The following CRYBG3 variants were observed in gnomAD, a reference collection of about 807,000 sequenced individuals.
CRYBG3 encodes very large A-kinase anchor protein.
CRYBG3 carries 127 observed loss-of-function variants against 244.2 expected under a neutral mutation model. That is an observed-to-expected ratio of 0.52 (90% confidence interval 0.45 to 0.60). The LOEUF is 0.60. Among genes scored for constraint, CRYBG3 ranks in the 20% least tolerant of loss-of-function variants. The pLI is 0.00. For missense variants in CRYBG3, 3,325 were observed against 3,442.5 expected, an observed-to-expected ratio of 0.97 and a Z score of 0.85; for synonymous variants, 1,132 against 1,195.8, an observed-to-expected ratio of 0.95 and a Z score of 1.10.
In CRYBG3 at chr3:97,871,935, C is replaced by T. The variant is rs1397047254; in HGVS notation, c.741C>T (p.Gly247=). ...HIGKYLKQQT[G]LATVNTLDRE... ...GGAAATATTTAAAGCAACAGACAGGCTTGGCAACTGTGAATACCTTGGACA... is the reference window on the plus strand; with the variant it reads ...GGAAATATTTAAAGCAACAGACAGGTTTGGCAACTGTGAATACCTTGGACA... The change falls in exon 4 of 22, where the codon GGC becomes GGT. Residue 247 remains glycine, a synonymous_variant. Coordinates refer to ENST00000389622, the MANE Select transcript of CRYBG3 (RefSeq NM_153605.4). 6.5e-7 allele frequency: 1 copy of T among 1,535,644 alleles called. No homozygotes were observed. The highest frequency in any genetic ancestry group is 1.2e-5 in the South Asian group (1 of 84,042).
At chr3:97,839,380 T>C (rs2038780784) in intron 1 of CRYBG3, among the ~76,000 whole-genome samples, 1 of 152,140 alleles carries the variant, frequency 6.6e-6, no homozygotes, top group African/African-American at 2.4e-5. Context: ...ATGTAGCTAC[T>C]GTGTTCTCAT....
rs145493918 is a variant in CRYBG3 at position 97,930,517 on chromosome 3, T to C, written c.8242-3177T>C. Among the ~76,000 whole-genome samples, 304 of 152,146 alleles carry C rather than the reference T, an allele frequency of 2.0e-3. 2 individuals are homozygous for C. Among genetic ancestry groups the C allele is most frequent in the South Asian group, 0.015 (71 of 4,822 alleles). On this transcript the variant is annotated intron_variant, in intron 17 of 21. Transcript: ENST00000389622. ...CTCAGTGATTAGAGATGAGTTTTTA[T>C]TCCTGGTGCAGTCAGTGGTGTCTAC...
Position 97,864,519 on chromosome 3 carries a change from T to G in CRYBG3, c.519T>G (p.Ile173Met), listed in dbSNP as rs1173699278. 1 of 1,535,752 alleles carries G rather than the reference T, an allele frequency of 6.5e-7. No individual in the cohort carries two copies. The highest frequency in any genetic ancestry group is 2.0e-5 in the Admixed American group (1 of 50,950). The change falls in exon 3 of 22, where the codon ATT becomes ATG. Residue 173 changes from isoleucine (I) to methionine (M), a missense_variant. Physicochemically the swap from Ile to Met is conservative, Grantham distance 10 (BLOSUM62 1). Coordinates refer to ENST00000389622, the MANE Select transcript of CRYBG3 (RefSeq NM_153605.4). ...HEDGIKRERE[I>M]FSGSLRTQTH... Reference sequence around the variant, plus strand: ...ACGGGATCAAAAGGGAGAGAGAGATTTTCAGTGGCTCCCTAAGAACCCAGA... The same window carrying G: ...ACGGGATCAAAAGGGAGAGAGAGATGTTCAGTGGCTCCCTAAGAACCCAGA...
intron 11 of CRYBG3, among the ~76,000 whole-genome samples, chr3:97,893,594 G>A (rs752843299): frequency 5.9e-5 from 9 of 152,180 alleles, no homozygotes; most frequent in Non-Finnish European, 8.8e-5. Flanking sequence ...CTTTATATTC[G>A]TATCCTGGTA....
rs753002797 is a variant in CRYBG3, at chr3:97,888,390, G to T, written c.7339G>T (p.Glu2447Ter). Residue 2447 changes from glutamate (E) to a stop codon, truncating the protein, a stop_gained, in exon 9 of 22, where the codon GAG becomes TAG. Transcript: ENST00000389622. LOFTEE classifies it high-confidence loss of function. ...TTTTAAGGGACAAGCTACAGTTCTG[G>T]AGGAAGACCATGGGCTCTTTGAGAT... ...INFKGQATVLEEDHGLFEIST... is the reference protein window; with the variant it reads ...INFKGQATVL The T allele has an allele frequency of 6.2e-7, 1 of 1,613,170 alleles. No individual in the cohort carries two copies. Among genetic ancestry groups the T allele is most frequent in the Non-Finnish European group, 8.5e-7 (1 of 1,179,372 alleles).
At chr3:97,909,987 G>A (rs1279395743) in intron 15 of CRYBG3, among the ~76,000 whole-genome samples, 1 of 151,278 alleles carries the variant, frequency 6.6e-6, no homozygotes, top group Non-Finnish European at 1.5e-5. Flanking sequence ...TCAGCTGCAG[G>A]TCTGTTGGAA....
At chr3:97,848,683 C>G (rs2038939080) in intron 2 of CRYBG3, among the ~76,000 whole-genome samples, 1 of 152,218 alleles carries the variant, frequency 6.6e-6, no homozygotes, top group Non-Finnish European at 1.5e-5. Flanking sequence ...ACCTCAGTCT[C>G]CTGAGTAGCT....
Position 97,874,296 on chromosome 3 carries a change from G to GGTA in CRYBG3, c.3102_3103insGTA (p.Val1034dup). The GGTA allele has an allele frequency of 6.5e-7, 1 of 1,528,646 alleles. No homozygotes were observed. The highest frequency in any genetic ancestry group is 1.2e-5 in the South Asian group (1 of 81,974). 94.7% of individuals were successfully genotyped at this position (1,528,646 alleles called of 1,614,324 possible). On this transcript the variant is annotated inframe_insertion, in exon 4 of 22. Coordinates refer to ENST00000389622, the MANE Select transcript of CRYBG3 (RefSeq NM_153605.4). ...CAAGCTTCCTTAAAGTACCTTCTGT[G>GGTA]CTGAAATTGGAAAAGAAATCCTCAT...
At chr3:97,830,827 C>T (rs2038645031) in intron 1 of CRYBG3, among the ~76,000 whole-genome samples, 1 of 152,156 alleles carries the variant, frequency 6.6e-6, no homozygotes, top group African/African-American at 2.4e-5. Flanking sequence ...GGACAGTTGG[C>T]AGGCTCTTTC....
intron 2 of CRYBG3, among the ~76,000 whole-genome samples, chr3:97,844,169 T>TA (rs1263834984): frequency 1.3e-5 from 2 of 152,124 alleles, no homozygotes; most frequent in Admixed American, 1.3e-4. Context: ...TCCATTATAA[T>TA]AAAAAAATAC....
chr3:97,915,780 G>A (rs1231334158), intron 17 of CRYBG3, 44 bp downstream of exon 17: 2 of 1,492,108 alleles, frequency 1.3e-6, no homozygotes, highest in Non-Finnish European at 1.8e-6. Context: ...TCTTTTTCTT[G>A]TCCAGTTTAA....
At chr3:97,910,866 T>A (rs1314704904) in intron 15 of CRYBG3, among the ~76,000 whole-genome samples, 7 of 152,374 alleles carry the variant, frequency 4.6e-5, no homozygotes, top group Non-Finnish European at 1.0e-4. Context: ...CCTCACATTT[T>A]ATACATCTTT....
intron 15 of CRYBG3, among the ~76,000 whole-genome samples, chr3:97,901,543 G>T (rs1008442377): frequency 6.6e-6 from 1 of 152,142 alleles, no homozygotes; most frequent in Non-Finnish European, 1.5e-5. Context: ...ATATAATTGA[G>T]TTGTTGTATT....
At chr3:97,928,253 A>G (rs1381937392) in intron 17 of CRYBG3, among the ~76,000 whole-genome samples, 3 of 152,064 alleles carry the variant, frequency 2.0e-5, no homozygotes, top group Non-Finnish European at 4.4e-5. Context: ...TGTTCTTTGC[A>G]GCAACATGGA....
Position 97,872,489 on chromosome 3 carries a change from CT to C in CRYBG3, c.1296del (p.Ala433LeufsTer48). ...GAGGAGCTTGTTGAGCCTCAGGGCC[CT>C]GCTATTTCTGATTTCTCTTGTAGTA... The part of the protein sequence containing the change: ...QREELVEPQG[P>X]AISDFSCSKS... On this transcript the variant is annotated frameshift_variant, in exon 4 of 22. Transcript: ENST00000389622. LOFTEE classifies it high-confidence loss of function. The C allele has an allele frequency of 1.3e-6, 2 of 1,535,968 alleles. No homozygotes were observed. Among genetic ancestry groups the C allele is most frequent in the Non-Finnish European group, 1.7e-6 (2 of 1,146,826 alleles).
chr3:97,904,458 A>G (rs1281984205), intron 15 of CRYBG3, among the ~76,000 whole-genome samples: 1 of 152,132 alleles, frequency 6.6e-6, no homozygotes, highest in East Asian at 1.9e-4. Context: ...AGACTGAGAC[A>G]AAAAACTGGA....
chr3:97,822,383 G>C, intron 1 of CRYBG3, 28 bp downstream of exon 1: 2 of 1,485,028 alleles, frequency 1.3e-6, no homozygotes, highest in Non-Finnish European at 1.8e-6. Context: ...GGTCGCGGGG[G>C]GGCCCTGCAC....
intron 6 of CRYBG3, 68 bp from the exon 7 acceptor site, chr3:97,881,004 C>A: frequency 7.8e-7 from 1 of 1,274,190 alleles, no homozygotes; most frequent in Middle Eastern, 2.0e-4. Context: ...ACAAAATGGT[C>A]TGTGACTTAT....
intron 7 of CRYBG3, among the ~76,000 whole-genome samples, chr3:97,885,059 C>T (rs527743103): frequency 2.6e-5 from 4 of 152,212 alleles, no homozygotes; most frequent in South Asian, 4.1e-4. Context: ...GTTACTAGAA[C>T]TCTATTATTA....
Sources: gnomAD v4.1 joint callset for allele counts (sites outside exome capture counted in the v4.1 genomes callset) on GRCh38, gnomAD v4.1.1 for gene constraint, MANE v1.5 for transcripts, NCBI Gene and HGNC (gene_info 2026-07-23, HGNC 2026-07-21) for gene names.